TLL2: variants seen among roughly 807,000 people sequenced by gnomAD.
TLL2 encodes tolloid-like protein 2.
TLL2 carries 106 observed loss-of-function variants against 123.0 expected under a neutral mutation model. The ratio of observed to expected loss-of-function variants is 0.86; its 90% CI spans 0.74 to 1.01. TLL2 has a LOEUF of 1.01. Ranked by LOEUF, TLL2 falls within the 50% of genes least tolerant of loss-of-function variation. TLL2 has a pLI of 0.00. For missense variants in TLL2, 1,332 were observed against 1,336.7 expected (o/e 1.00, Z 0.06); for synonymous variants, 494 against 516.8 (o/e 0.96, Z 0.60).
intron 2 of TLL2, among the ~76,000 whole-genome samples, chr10:96,476,248 T>TTTTTTTTGTTGTTGTTGTTGTTG (rs1285354320): frequency 2.9e-5 from 2 of 69,228 alleles, no homozygotes; most frequent in African/African-American, 6.2e-5. Flanking sequence ...ATATTTTATT[T>TTTTTTTTGTTGTTGTTGTTGTTG]TTGTTGTTGT....
At chr10:96,475,058 A>G (rs1564914657) in intron 2 of TLL2, among the ~76,000 whole-genome samples, 2 of 152,220 alleles carry the variant, frequency 1.3e-5, no homozygotes, top group Non-Finnish European at 2.9e-5. Flanking sequence ...ATCTGCAAAG[A>G]TTCTATTTGC....
At position 96,432,824 on chromosome 10, in the gene TLL2, A is replaced by G. The variant is rs565450761; in HGVS notation, c.503T>C (p.Ile168Thr). 26 of 1,613,948 alleles carry G rather than the reference A, an allele frequency of 1.6e-5. 1 individual carries two copies. The South Asian group carries it at 2.3e-4, about 14-fold the overall frequency. The change falls in exon 4 of 21, where the codon ATT becomes ACT. Residue 168 changes from isoleucine to threonine, a missense_variant. Ile to Thr is a moderately conservative substitution (Grantham distance 89). Coordinates refer to ENST00000357947, the MANE Select transcript of TLL2 (RefSeq NM_012465.4). The part of the protein sequence containing the change: ...IWPGGVIPYV[I>T]GGNFTGSQRA... Reference sequence around the variant, plus strand: ...CTACTGACCAGTGAAGTTCCCTCCAATGACGTAGGGGATGACTCCTCCAGG... The same window carrying G: ...CTACTGACCAGTGAAGTTCCCTCCAGTGACGTAGGGGATGACTCCTCCAGG...
At chr10:96,461,899 T>A (rs542592781) in intron 2 of TLL2, among the ~76,000 whole-genome samples, 1 of 152,302 alleles carries the variant, frequency 6.6e-6, no homozygotes, top group South Asian at 2.1e-4. Context: ...AGTCCCATAG[T>A]ATAATTCTGT....
At chr10:96,377,002 G>A (rs1217736711) in intron 17 of TLL2, among the ~76,000 whole-genome samples, 183 bp from the exon 18 acceptor site, 2 of 152,228 alleles carry the variant, frequency 1.3e-5, no homozygotes, top group African/African-American at 4.8e-5. Context: ...TACTTGCACT[G>A]GCTTTTCTGC....
rs1846044850 is a variant in TLL2 at position 96,367,982 on chromosome 10, A to G, written c.*106T>C. On this transcript the variant is annotated 3_prime_UTR_variant, in exon 21 of 21. Transcript: ENST00000357947. ...CTGGATTCTGAGTTTTTGTTTGAGA[A>G]AAATACTGTACACTGTTTTAGGGCA... The G allele has an allele frequency of 7.2e-7, 1 of 1,380,712 alleles. No individual in the cohort carries two copies. The highest frequency in any genetic ancestry group is 1.4e-5 in the African/African-American group (1 of 69,338). The allele number at this position is 1,380,712 out of a possible 1,614,324, so 85.5% of individuals were successfully genotyped here.
At chr10:96,441,298 G>T (rs1846848842) in intron 3 of TLL2, among the ~76,000 whole-genome samples, 1 of 152,250 alleles carries the variant, frequency 6.6e-6, no homozygotes. Context: ...GGTGATGGGT[G>T]AATTTGCACC....
chr10:96,467,830 A>T (rs1333192151), intron 2 of TLL2, among the ~76,000 whole-genome samples: 1 of 152,240 alleles, frequency 6.6e-6, no homozygotes, highest in African/African-American at 2.4e-5. Context: ...TGAGAGGCTG[A>T]GACACAGTCT....
chr10:96,400,526 A>G (rs1256349528), intron 10 of TLL2, among the ~76,000 whole-genome samples: 1 of 152,198 alleles, frequency 6.6e-6, no homozygotes, highest in Non-Finnish European at 1.5e-5. Context: ...AAAGCCTCAA[A>G]CCATAAAGCA....
intron 11 of TLL2, among the ~76,000 whole-genome samples, chr10:96,396,893 C>T (rs765740015): frequency 1.1e-4 from 16 of 152,162 alleles, no homozygotes; most frequent in Non-Finnish European, 1.9e-4. Context: ...GGTTCTAGAT[C>T]CCCCCAATAC....
chr10:96,443,981 G>A (rs1397236865), intron 3 of TLL2, among the ~76,000 whole-genome samples: 1 of 152,208 alleles, frequency 6.6e-6, no homozygotes, highest in Non-Finnish European at 1.5e-5. Flanking sequence ...GATTGAAGAG[G>A]AAGATCAGCA....
At chr10:96,439,477 C>T (rs1334193607) in intron 3 of TLL2, among the ~76,000 whole-genome samples, 5 of 152,016 alleles carry the variant, frequency 3.3e-5, no homozygotes, top group Admixed American at 6.6e-5. Context: ...TTCTTTCCTC[C>T]GAGGAGGCAA....
intron 7 of TLL2, among the ~76,000 whole-genome samples, chr10:96,415,953 A>T (rs1457830252): frequency 1.3e-5 from 2 of 150,374 alleles, no homozygotes; most frequent in East Asian, 4.0e-4. Flanking sequence ...TCATCTGCTG[A>T]TTTCCTGTTC....
At chr10:96,463,965 G>A (rs1395077397) in intron 2 of TLL2, among the ~76,000 whole-genome samples, 2 of 152,330 alleles carry the variant, frequency 1.3e-5, no homozygotes, top group East Asian at 3.9e-4. Flanking sequence ...AGAAAGAAAC[G>A]AAGAGAGGAA....
chr10:96,388,570 C>T (rs1002641172), intron 13 of TLL2, among the ~76,000 whole-genome samples: 4 of 152,156 alleles, frequency 2.6e-5, no homozygotes, highest in Admixed American at 6.5e-5. Flanking sequence ...TCTTCAGACC[C>T]TACTTGAAAA....
chr10:96,370,112 CGTCGTAGGCTTCCATGTA>C lies in TLL2; in HGVS notation c.2848_2865del (p.Tyr950_Asp955del). The C allele has an allele frequency of 6.2e-7, 1 of 1,612,874 alleles. No homozygotes were observed. The highest frequency in any genetic ancestry group is 8.5e-7 in the Non-Finnish European group (1 of 1,179,462). ...AGCCTGGGCGCTGAGCTGTCGTAGC[CGTCGTAGGCTTCCATGTA>C]GTCGTAGCCGCAGTCGGCCTCCTCC... is the stretch of plus-strand genomic sequence containing the variant. On this transcript the variant is annotated inframe_deletion, in exon 20 of 21. Transcript: ENST00000357947.
intron 1 of TLL2, among the ~76,000 whole-genome samples, chr10:96,505,019 A>G (rs938069431): frequency 4.0e-4 from 39 of 98,650 alleles, no homozygotes; most frequent in African/African-American, 1.4e-3. Context: ...AAAAAATAAA[A>G]AATAAATAAA....
intron 16 of TLL2, among the ~76,000 whole-genome samples, chr10:96,380,902 A>G (rs1022051414): frequency 2.7e-5 from 4 of 150,878 alleles, no homozygotes; most frequent in African/African-American, 9.7e-5. Context: ...GCTTGAAGCC[A>G]GGAGGCGGAG....
intron 1 of TLL2, among the ~76,000 whole-genome samples, chr10:96,498,267 C>T (rs543693146): frequency 6.6e-6 from 1 of 152,344 alleles, no homozygotes; most frequent in Non-Finnish European, 1.5e-5. Context: ...CCACCTACGG[C>T]CATGCCAAGA....
intron 2 of TLL2, among the ~76,000 whole-genome samples, chr10:96,463,674 T>G (rs1243669072): frequency 6.6e-6 from 1 of 152,206 alleles, no homozygotes. Context: ...AAGGGCATGC[T>G]GGGCCACCAG....
Sources: allele counts gnomAD v4.1 joint callset (sites outside exome capture counted in the v4.1 genomes callset), GRCh38; gene constraint gnomAD v4.1.1; transcripts MANE v1.5; gene names NCBI Gene and HGNC (gene_info 2026-07-23, HGNC 2026-07-21).